CCDC7: variants seen among roughly 807,000 people sequenced by gnomAD.
CCDC7 encodes the protein coiled-coil domain-containing protein 7.
In CCDC7, 183 loss-of-function variants were observed where a neutral mutation model predicts 196.9. The observed-to-expected ratio is 0.93, with a 90% confidence interval of 0.82 to 1.05. The LOEUF (loss-of-function observed/expected upper bound fraction) is 1.05. Among genes scored for constraint, CCDC7 ranks in the 50% least tolerant of loss-of-function variants. The pLI is 0.00. For missense variants in CCDC7, 1,540 were observed against 1,482.2 expected, an observed-to-expected ratio of 1.04 and a Z score of -0.64; for synonymous variants, 525 against 484.6, an observed-to-expected ratio of 1.08 and a Z score of -1.10.
chr10:32,847,715 T>TAAA, intron 37 of CCDC7, 118 bp from the exon 39 acceptor site: 10 of 524,032 alleles, frequency 1.9e-5, no homozygotes, highest in South Asian at 5.0e-5. Flanking sequence ...ATCCTGTCTC[T>TAAA]AAAAAAAAAA....
At chr10:32,641,546 C>T (rs1417439333) in intron 20 of CCDC7, among the ~76,000 whole-genome samples, 2 of 152,162 alleles carry the variant, frequency 1.3e-5, no homozygotes, top group Admixed American at 6.5e-5. Flanking sequence ...TCTAGTTAGC[C>T]ATTCATCTAA....
chr10:32,660,708 AAAAC>A (rs1389039644), intron 20 of CCDC7, among the ~76,000 whole-genome samples: 1 of 152,168 alleles, frequency 6.6e-6, no homozygotes, highest in African/African-American at 2.4e-5. Flanking sequence ...AAACCTGAGA[AAAAC>A]AAGCAATGGG....
At chr10:32,487,359 C>T (rs1404692309) in intron 8 of CCDC7, among the ~76,000 whole-genome samples, 1 of 152,182 alleles carries the variant, frequency 6.6e-6, no homozygotes, top group East Asian at 1.9e-4. Context: ...GACTTCTCTG[C>T]ATTGGTTATT....
chr10:32,547,920 G>A (rs769729262), intron 13 of CCDC7, among the ~76,000 whole-genome samples: 8 of 152,060 alleles, frequency 5.3e-5, no homozygotes, highest in Non-Finnish European at 8.8e-5. Context: ...CACCATATTT[G>A]TAGTCTTTTA....
intron 11 of CCDC7, among the ~76,000 whole-genome samples, chr10:32,531,153 C>T (rs1451043011): frequency 1.3e-5 from 2 of 151,982 alleles, no homozygotes; most frequent in Non-Finnish European, 2.9e-5. Flanking sequence ...GACAGAGTCT[C>T]ATTCTGTCAC....
Position 32,561,454 on chromosome 10 carries a change from C to G in CCDC7, c.1135-4104C>G, listed in dbSNP as rs1272355751. On this transcript the variant is annotated intron_variant, in intron 13 of 41. Coordinates refer to ENST00000639629, the Ensembl canonical transcript of CCDC7. ...ACAGAAATTATAACAAACTGTCTCT[C>G]AGACCACAGTGCAATCAAACTAGAA... Among the ~76,000 whole-genome samples, 4 of 152,212 alleles carry G rather than the reference C, an allele frequency of 2.6e-5. No individual in the cohort carries two copies. In the South Asian group the frequency reaches 8.3e-4, roughly 32 times the overall value.
intron 18 of CCDC7, among the ~76,000 whole-genome samples, chr10:32,620,129 G>T (rs12248394): frequency 7.9e-5 from 12 of 151,486 alleles, no homozygotes; most frequent in African/African-American, 2.9e-4. Context: ...TGCCATGTTG[G>T]CCAGGCTGGT....
At chr10:32,538,800 T>C (rs1308022292) in intron 11 of CCDC7, among the ~76,000 whole-genome samples, 1 of 152,236 alleles carries the variant, frequency 6.6e-6, no homozygotes, top group African/African-American at 2.4e-5. Flanking sequence ...GATTTGCCTA[T>C]GTTGAATCAA....
At chr10:32,498,276 T>C (rs2043227385) in intron 9 of CCDC7, among the ~76,000 whole-genome samples, 1 of 152,168 alleles carries the variant, frequency 6.6e-6, no homozygotes, top group South Asian at 2.1e-4. Flanking sequence ...TTTGAGCCTA[T>C]GTGTGTCTTT....
At chr10:32,863,413 C>T (rs1173329221) in intron 41 of CCDC7, among the ~76,000 whole-genome samples, 1 of 152,024 alleles carries the variant, frequency 6.6e-6, no homozygotes, top group East Asian at 1.9e-4. Context: ...AATGCAGTGG[C>T]ATGATCATAG....
At chr10:32,795,074 T>C (rs1247087999) in intron 29 of CCDC7, among the ~76,000 whole-genome samples, 1 of 152,210 alleles carries the variant, frequency 6.6e-6, no homozygotes, top group East Asian at 1.9e-4. Flanking sequence ...TGAATCTATT[T>C]GGTTTTCTCT....
intron 28 of CCDC7, among the ~76,000 whole-genome samples, chr10:32,755,647 G>A (rs1266839028): frequency 1.3e-5 from 2 of 152,112 alleles, no homozygotes; most frequent in Admixed American, 1.3e-4. Context: ...CAAAGATGGG[G>A]AGAAACCAGA....
At chr10:32,725,118 A>T (rs2082931066) in intron 25 of CCDC7, among the ~76,000 whole-genome samples, 1 of 152,066 alleles carries the variant, frequency 6.6e-6, no homozygotes, top group Non-Finnish European at 1.5e-5. Context: ...ATATTTTAGA[A>T]ATCATGAGAT....
chr10:32,691,764 A>G (rs1023515002), intron 23 of CCDC7, among the ~76,000 whole-genome samples: 2 of 151,998 alleles, frequency 1.3e-5, no homozygotes, highest in African/African-American at 4.8e-5. Context: ...CAGTGACCTT[A>G]GAGACAGCGG....
intron 30 of CCDC7, among the ~76,000 whole-genome samples, chr10:32,809,412 A>G (rs1317136328): frequency 6.6e-6 from 1 of 152,168 alleles, no homozygotes; most frequent in Admixed American, 6.5e-5. Flanking sequence ...CAGAAATCCC[A>G]TAATTCAATT....
chr10:32,861,969 G>A (rs912264482), intron 41 of CCDC7, among the ~76,000 whole-genome samples: 2 of 152,164 alleles, frequency 1.3e-5, no homozygotes, highest in African/African-American at 4.8e-5. Context: ...CTGCTGGTGG[G>A]ACTGTAAATT....
chr10:32,591,890 G>A (rs1174668297), intron 18 of CCDC7, among the ~76,000 whole-genome samples: 4 of 152,190 alleles, frequency 2.6e-5, no homozygotes, highest in African/African-American at 4.8e-5. Context: ...CCTCAAGAAA[G>A]CACTTGGTGC....
At chr10:32,632,083 A>G (rs2064947277) in intron 18 of CCDC7, among the ~76,000 whole-genome samples, 1 of 139,240 alleles carries the variant, frequency 7.2e-6, no homozygotes, top group African/African-American at 2.7e-5. Flanking sequence ...AAACATTTGT[A>G]AGTTGAGAGT....
intron 29 of CCDC7, among the ~76,000 whole-genome samples, chr10:32,801,698 TGG>T (rs2135046772): frequency 6.6e-6 from 1 of 152,010 alleles, no homozygotes; most frequent in East Asian, 1.9e-4. Context: ...GTGTTGGGAG[TGG>T]GTCCTGAGGA....
Sources: gnomAD v4.1 joint callset for allele counts (sites outside exome capture counted in the v4.1 genomes callset) on GRCh38, gnomAD v4.1.1 for gene constraint, MANE v1.5 for transcripts, NCBI Gene and HGNC (gene_info 2026-07-23, HGNC 2026-07-21) for gene names.